ATP8A1: variants seen among roughly 807,000 people sequenced by gnomAD.
ATP8A1 encodes phospholipid-transporting ATPase IA.
Under a neutral mutation model 177.7 loss-of-function variants are expected in ATP8A1, and 90 were observed. The observed-to-expected ratio is 0.51, with a 90% CI of 0.43 to 0.60. The LOEUF (loss-of-function observed/expected upper bound fraction) is 0.60, where lower values mean the gene tolerates loss of function less well. Ranked by LOEUF, ATP8A1 falls within the 20% of genes least tolerant of loss-of-function variation. The pLI is 0.00. For missense variants in ATP8A1, 1,072 were observed against 1,392.8 expected (o/e 0.77, Z 3.67); for synonymous variants, 493 against 485.9 (o/e 1.01, Z -0.19).
At chr4:42,424,800 C>T (rs1032378680) in intron 33 of ATP8A1, among the ~76,000 whole-genome samples, 1 of 152,120 alleles carries the variant, frequency 6.6e-6, no homozygotes, top group Non-Finnish European at 1.5e-5. Flanking sequence ...GGTTCAGGGA[C>T]GCTAAGATTT....
At chr4:42,433,740 G>T (rs1249946195) in intron 33 of ATP8A1, among the ~76,000 whole-genome samples, 2 of 151,868 alleles carry the variant, frequency 1.3e-5, no homozygotes, top group Non-Finnish European at 1.5e-5. Flanking sequence ...TTTCTCTGGG[G>T]TGATGAGGAG....
At chr4:42,435,484 G>A (rs1356977134) in intron 33 of ATP8A1, among the ~76,000 whole-genome samples, 2 of 146,280 alleles carry the variant, frequency 1.4e-5, no homozygotes, top group Non-Finnish European at 3.0e-5. Context: ...CCAGTTATGA[G>A]CTTTATTGAA....
chr4:42,564,468 G>A (rs1010118473), intron 15 of ATP8A1, among the ~76,000 whole-genome samples: 1 of 152,242 alleles, frequency 6.6e-6, no homozygotes, highest in African/African-American at 2.4e-5. Flanking sequence ...CCCACCTCTT[G>A]CATCAGTGTG....
rs1188826162 is a variant in ATP8A1, at chr4:42,625,675, A to C, written c.203T>G (p.Phe68Cys). The C allele has an allele frequency of 9.9e-6, 16 of 1,609,064 alleles. No homozygotes were observed. The highest frequency in any genetic ancestry group is 1.4e-5 in the Non-Finnish European group (16 of 1,177,578). The change falls in exon 3 of 37, where the codon TTT becomes TGT. Residue 68 changes from phenylalanine (F) to cysteine (C), a missense_variant. Physicochemically the swap from Phe to Cys is radical, Grantham distance 205. Coordinates refer to ENST00000381668, the MANE Select transcript of ATP8A1 (RefSeq NM_006095.2). ...KYNIITFLPR[F>C]LYSQFRRAAN... Reference sequence around the variant, plus strand: ...AGCTCTTCTGAACTGAGAGTAGAGAAATCTTGGAAGGAATGTGATTATGTT... The same window carrying C: ...AGCTCTTCTGAACTGAGAGTAGAGACATCTTGGAAGGAATGTGATTATGTT...
rs753973016 is a variant in ATP8A1 at position 42,409,445 on chromosome 4, C to A, written c.*3471G>T. Reference sequence around the variant, plus strand: ...TACGAGTCATTATAGAAATGTTCATCATTAAAAAGCATTTATTAGGCACTG... The same window carrying A: ...TACGAGTCATTATAGAAATGTTCATAATTAAAAAGCATTTATTAGGCACTG... On this transcript the variant is annotated 3_prime_UTR_variant, in exon 37 of 37. Transcript: ENST00000381668. The A allele has an allele frequency of 5.3e-5, 8 of 152,082 alleles. No individual in the cohort carries two copies. Among genetic ancestry groups the A allele is most frequent in the Non-Finnish European group, 2.9e-5 (2 of 67,972 alleles). The allele number at this position is 152,082 out of a possible 1,614,324, so 9.4% of individuals were successfully genotyped here. A position where few individuals can be genotyped will look rare whatever the true frequency, so the allele number is the denominator to read the frequency against.
chr4:42,470,458 G>T (rs1720273374), intron 25 of ATP8A1, among the ~76,000 whole-genome samples: 1 of 151,926 alleles, frequency 6.6e-6, no homozygotes, highest in Non-Finnish European at 1.5e-5. Context: ...GAAATATGAA[G>T]AATATATGTA....
At chr4:42,528,594 G>C (rs969841391) in intron 20 of ATP8A1, among the ~76,000 whole-genome samples, 18 of 151,896 alleles carry the variant, frequency 1.2e-4, no homozygotes, top group Non-Finnish European at 2.6e-4. Flanking sequence ...TGCAACCACC[G>C]ACTTGGCAAA....
At chr4:42,531,042 C>T (rs907398117) in intron 20 of ATP8A1, among the ~76,000 whole-genome samples, 3 of 150,470 alleles carry the variant, frequency 2.0e-5, no homozygotes, top group African/African-American at 7.2e-5. Flanking sequence ...CTCCTCCTAC[C>T]TTTAAGTCAA....
chr4:42,563,117 G>A (rs538843593), intron 15 of ATP8A1, among the ~76,000 whole-genome samples: 1 of 152,322 alleles, frequency 6.6e-6, no homozygotes, highest in African/African-American at 2.4e-5. Flanking sequence ...GGGAAAGTTT[G>A]GAACTTCCTA....
At chr4:42,653,103 G>C (rs569762349) in intron 1 of ATP8A1, among the ~76,000 whole-genome samples, 9 of 152,002 alleles carry the variant, frequency 5.9e-5, no homozygotes, top group African/African-American at 2.2e-4. Context: ...TCCCCTCACC[G>C]TTCCTAATTC....
intron 19 of ATP8A1, among the ~76,000 whole-genome samples, chr4:42,544,227 T>C (rs2153207164): frequency 6.6e-6 from 1 of 152,314 alleles, no homozygotes; most frequent in South Asian, 2.1e-4. Flanking sequence ...GTTGACAAAA[T>C]AGTTCCTAAG....
At chr4:42,547,360 A>T (rs1296120966) in intron 19 of ATP8A1, among the ~76,000 whole-genome samples, 1 of 152,208 alleles carries the variant, frequency 6.6e-6, no homozygotes, top group Non-Finnish European at 1.5e-5. Context: ...CCATCATCCT[A>T]GTCTAAACCA....
intron 1 of ATP8A1, among the ~76,000 whole-genome samples, chr4:42,644,623 T>C (rs1484353728): frequency 3.3e-5 from 5 of 152,220 alleles, no homozygotes; most frequent in Admixed American, 1.3e-4. Context: ...ATGGTGTTTT[T>C]CTAATCCCCA....
intron 20 of ATP8A1, among the ~76,000 whole-genome samples, chr4:42,536,841 A>C (rs567196689): frequency 1.3e-5 from 2 of 152,186 alleles, no homozygotes; most frequent in South Asian, 4.1e-4. Context: ...AAAAACAAAA[A>C]CCAGGCCCGG....
chr4:42,521,900 G>C (rs550179044), intron 22 of ATP8A1, among the ~76,000 whole-genome samples: 56 of 152,276 alleles, frequency 3.7e-4, no homozygotes, highest in Non-Finnish European at 4.7e-4. Context: ...CATTGGCAAG[G>C]AGATTGCCAG....
At chr4:42,600,840 A>AGCTTAAAAACATTTCAGAT (rs1735175051) in intron 5 of ATP8A1, among the ~76,000 whole-genome samples, 1 of 152,166 alleles carries the variant, frequency 6.6e-6, no homozygotes, top group South Asian at 2.1e-4. Context: ...GGAAGCGACA[A>AGCTTAAAAACATTTCAGAT]GCTTAAAAAC....
chr4:42,618,818 T>C (rs1428369126), intron 4 of ATP8A1, among the ~76,000 whole-genome samples: 2 of 152,230 alleles, frequency 1.3e-5, no homozygotes, highest in Non-Finnish European at 2.9e-5. Flanking sequence ...CTTTTCACCA[T>C]GTCTACCATA....
At chr4:42,483,242 G>A (rs75278142) in intron 25 of ATP8A1, among the ~76,000 whole-genome samples, 1,904 of 152,204 alleles carry the variant, frequency 0.013, 44 homozygotes, top group African/African-American at 0.043. Flanking sequence ...ACATAAATCC[G>A]GCAGTGGCAC....
At chr4:42,581,183 G>C (rs1733006648) in intron 10 of ATP8A1, among the ~76,000 whole-genome samples, 2 of 151,972 alleles carry the variant, frequency 1.3e-5, no homozygotes, top group Admixed American at 1.3e-4. Flanking sequence ...GCCCAGGCTG[G>C]AGTACAGTGG....
Sources: allele counts gnomAD v4.1 joint callset (sites outside exome capture counted in the v4.1 genomes callset), GRCh38; gene constraint gnomAD v4.1.1; transcripts MANE v1.5; gene names NCBI Gene and HGNC (gene_info 2026-07-23, HGNC 2026-07-21).